PLCB4: variants seen among roughly 807,000 people sequenced by gnomAD.
PLCB4 encodes the protein 1-phosphatidylinositol 4,5-bisphosphate phosphodiesterase beta-4.
Under a neutral mutation model 178.8 loss-of-function variants are expected in PLCB4, and 77 were observed. The ratio of observed to expected loss-of-function variants is 0.43; its 90% CI spans 0.36 to 0.52. The LOEUF (loss-of-function observed/expected upper bound fraction) is 0.52, where lower values mean the gene tolerates loss of function less well. Among genes scored for constraint, PLCB4 ranks in the 20% least tolerant of loss-of-function variants. The probability of loss-of-function intolerance (pLI) is 0.00; values close to 1 mark genes in which losing one functional copy is unlikely to be tolerated. For synonymous variants in PLCB4, 496 were observed against 490.8 expected, an observed-to-expected ratio of 1.01 and a Z score of -0.14; for missense variants, 1,024 against 1,453.4, an observed-to-expected ratio of 0.70 and a Z score of 4.80.
At chr20:9,142,191 A>G (rs2092506678) in intron 2 of PLCB4, among the ~76,000 whole-genome samples, 1 of 152,152 alleles carries the variant, frequency 6.6e-6, no homozygotes, top group Admixed American at 6.5e-5. Flanking sequence ...GGTCAGCACC[A>G]CAAGGGTGGT....
intron 24 of PLCB4, among the ~76,000 whole-genome samples, chr20:9,410,791 C>A (rs778501726): frequency 1.3e-5 from 2 of 152,174 alleles, no homozygotes; most frequent in Non-Finnish European, 2.9e-5. Flanking sequence ...TATATTGAAT[C>A]CAGTTTTAAA....
At chr20:9,153,359 G>A (rs2092723545) in intron 2 of PLCB4, among the ~76,000 whole-genome samples, 1 of 152,160 alleles carries the variant, frequency 6.6e-6, no homozygotes, top group Non-Finnish European at 1.5e-5. Context: ...TCTTGTGGGA[G>A]TGTCCCAGGG....
At chr20:9,203,054 A>ATATAT (rs1381757895) in intron 2 of PLCB4, among the ~76,000 whole-genome samples, 121 of 127,382 alleles carry the variant, frequency 9.5e-4, no homozygotes, top group African/African-American at 3.8e-3. Flanking sequence ...AAAAAAAAAA[A>ATATAT]AAATATATAT....
At chr20:9,294,199 G>A (rs911770241) in intron 3 of PLCB4, among the ~76,000 whole-genome samples, 1 of 152,106 alleles carries the variant, frequency 6.6e-6, no homozygotes, top group Non-Finnish European at 1.5e-5. Context: ...TTAACAGGGA[G>A]CATAAAGGTT....
intron 35 of PLCB4, 53 bp downstream of exon 35, chr20:9,459,863 T>A: frequency 8.0e-7 from 1 of 1,247,700 alleles, no homozygotes; most frequent in Non-Finnish European, 1.1e-6. Context: ...AAACAAAAGC[T>A]GATTTTGTGT....
intron 33 of PLCB4, 50 bp downstream of exon 33, chr20:9,453,512 T>A: frequency 8.7e-7 from 1 of 1,146,614 alleles, no homozygotes. Flanking sequence ...TTATATTTTG[T>A]CTTTTCCCAC....
chr20:9,107,248 G>A (rs2091400570), intron 2 of PLCB4, among the ~76,000 whole-genome samples: 1 of 152,136 alleles, frequency 6.6e-6, no homozygotes, highest in South Asian at 2.1e-4. Context: ...ACTATTCTAG[G>A]AGCTGGGGCT....
intron 7 of PLCB4, among the ~76,000 whole-genome samples, chr20:9,361,634 AATGTT>A (rs145735509): frequency 0.01 from 1,571 of 152,306 alleles, 27 homozygotes; most frequent in African/African-American, 0.034. Context: ...GAAGGTGATA[AATGTT>A]ATGTTATGTC....
intron 2 of PLCB4, among the ~76,000 whole-genome samples, chr20:9,158,934 A>C: frequency 6.6e-6 from 1 of 152,198 alleles, no homozygotes; most frequent in South Asian, 2.1e-4. Context: ...TATTAGTGTT[A>C]ATGGCTCCTA....
At chr20:9,234,730 C>T (rs1356494330) in intron 3 of PLCB4, among the ~76,000 whole-genome samples, 1 of 152,050 alleles carries the variant, frequency 6.6e-6, no homozygotes, top group Admixed American at 6.6e-5. Context: ...CATAGGTTGA[C>T]ACTTGTAAGA....
intron 2 of PLCB4, among the ~76,000 whole-genome samples, chr20:9,168,193 A>G (rs950378996): frequency 1.3e-5 from 2 of 152,204 alleles, no homozygotes; most frequent in Admixed American, 6.5e-5. Context: ...AAACTTTCCA[A>G]ATTTTCAACA....
Position 9,476,734 on chromosome 20 carries a change from T to C in PLCB4, c.3513T>C (p.His1171=). ...KQNEQLLKSC[H]AVSQTQGEGD... The stretch of plus-strand genomic sequence containing the variant: ...ACAAACAGCTTTTGAAATCCTGTCA[T>C]GCAGTGTCCCAAACGCAAGGTAGGA... Residue 1171 remains histidine, a synonymous_variant, in exon 39 of 40, where the codon CAT becomes CAC. Coordinates refer to ENST00000378473, the MANE Select transcript of PLCB4 (RefSeq NM_001377142.1). 6 of 1,610,394 alleles carry C rather than the reference T, an allele frequency of 3.7e-6. No individual in the cohort carries two copies. Among genetic ancestry groups the C allele is most frequent in the African/African-American group, 1.3e-5 (1 of 74,968 alleles).
Position 9,141,154 on chromosome 20 carries a change from A to C in PLCB4, c.-79+44812A>C, listed in dbSNP as rs373020607. Among the ~76,000 whole-genome samples the C allele has an allele frequency of 4.2e-4, 64 of 152,214 alleles. 1 individual carries two copies. In the South Asian group the frequency reaches 0.013, roughly 31 times the overall value. ...TTCTTTTCTTTATGCTTCTACCACCATGGGGCCCTAAATCTGTACTCAGAG... is the reference window on the plus strand; with the variant it reads ...TTCTTTTCTTTATGCTTCTACCACCCTGGGGCCCTAAATCTGTACTCAGAG... On this transcript the variant is annotated intron_variant, in intron 2 of 39. Coordinates refer to ENST00000378473, the MANE Select transcript of PLCB4 (RefSeq NM_001377142.1).
chr20:9,379,686 C>T (rs962705888), intron 12 of PLCB4, among the ~76,000 whole-genome samples: 22 of 152,106 alleles, frequency 1.4e-4, no homozygotes, highest in African/African-American at 5.1e-4. Flanking sequence ...TTGGTGTTTG[C>T]TTTTTAAAAA....
intron 3 of PLCB4, among the ~76,000 whole-genome samples, chr20:9,280,222 A>G (rs2147684083): frequency 6.6e-6 from 1 of 152,118 alleles, no homozygotes. Flanking sequence ...TCCCCTGAGA[A>G]GTTTAATCTG....
chr20:9,440,972 AGT>A (rs1387542355), intron 30 of PLCB4, among the ~76,000 whole-genome samples: 1 of 152,206 alleles, frequency 6.6e-6, no homozygotes, highest in Admixed American at 6.5e-5. Context: ...AGTTTCAAGC[AGT>A]GTTAACATCC....
intron 27 of PLCB4, 139 bp from the exon 28 acceptor site, chr20:9,423,609 G>A: frequency 1.5e-6 from 1 of 659,594 alleles, no homozygotes; most frequent in Non-Finnish European, 2.7e-6. Flanking sequence ...TACATTTTGG[G>A]GAATGCAGAT....
intron 25 of PLCB4, among the ~76,000 whole-genome samples, chr20:9,417,842 C>A (rs1334599259): frequency 6.6e-6 from 1 of 152,162 alleles, no homozygotes; most frequent in Non-Finnish European, 1.5e-5. Flanking sequence ...GTTCCAATTT[C>A]TCCACATCCT....
At chr20:9,456,581 A>G (rs550574181) in intron 33 of PLCB4, among the ~76,000 whole-genome samples, 1 of 152,190 alleles carries the variant, frequency 6.6e-6, no homozygotes, top group Admixed American at 6.5e-5. Flanking sequence ...CTCTCATTGC[A>G]TTTACTGTGA....
Sources: gnomAD v4.1 joint callset for allele counts (sites outside exome capture counted in the v4.1 genomes callset) on GRCh38, gnomAD v4.1.1 for gene constraint, MANE v1.5 for transcripts, NCBI Gene and HGNC (gene_info 2026-07-23, HGNC 2026-07-21) for gene names.